Variants in BNC2 observed in about 807,000 individuals in gnomAD.
BNC2 encodes basonuclin zinc finger protein 2.
In BNC2, 20 loss-of-function variants were observed where a neutral mutation model predicts 76.3. The observed-to-expected ratio is 0.26, with a 90% confidence interval of 0.18 to 0.38. The LOEUF (loss-of-function observed/expected upper bound fraction) is 0.38, where lower values mean the gene tolerates loss of function less well. BNC2 is among the 10% of genes least tolerant of loss of function. The pLI, the probability that BNC2 is intolerant of heterozygous loss-of-function variation, is 1.00. For synonymous variants in BNC2, 582 were observed against 514.8 expected, an observed-to-expected ratio of 1.13 and a Z score of -1.77; for missense variants, 1,382 against 1,399.8, an observed-to-expected ratio of 0.99 and a Z score of 0.20.
intron 5 of BNC2, among the ~76,000 whole-genome samples, chr9:16,544,472 A>G (rs1030212174): frequency 2.0e-5 from 3 of 152,190 alleles, no homozygotes; most frequent in Non-Finnish European, 4.4e-5. Context: ...GGAAGAGTTG[A>G]TAAAATAGGG....
At chr9:16,596,629 A>C (rs1359890027) in intron 3 of BNC2, among the ~76,000 whole-genome samples, 1 of 152,170 alleles carries the variant, frequency 6.6e-6, no homozygotes, top group East Asian at 1.9e-4. Flanking sequence ...AAACAGTAAA[A>C]ACTACAATAT....
intron 5 of BNC2, among the ~76,000 whole-genome samples, chr9:16,454,876 T>G (rs1322445963): frequency 6.6e-6 from 1 of 152,202 alleles, no homozygotes; most frequent in Non-Finnish European, 1.5e-5. Context: ...TCTGAAAATA[T>G]TTTAAGACCT....
chr9:16,646,124 A>G (rs1821616332), intron 3 of BNC2, among the ~76,000 whole-genome samples: 2 of 152,206 alleles, frequency 1.3e-5, no homozygotes, highest in Admixed American at 6.5e-5. Context: ...AAGTTTTAAG[A>G]TGTTCTAAAC....
chr9:16,728,037 C>G, intron 2 of BNC2, 40 bp from the exon 3 acceptor site: 1 of 1,569,446 alleles, frequency 6.4e-7, no homozygotes, highest in Non-Finnish European at 8.7e-7. Flanking sequence ...TCTTGGCAGC[C>G]AGTAGCAGGA....
intron 5 of BNC2, among the ~76,000 whole-genome samples, chr9:16,458,545 A>T (rs752371026): frequency 6.6e-6 from 1 of 152,238 alleles, no homozygotes; most frequent in Non-Finnish European, 1.5e-5. Flanking sequence ...AATCTGCTAG[A>T]GTCATGAGAT....
chr9:16,631,821 T>C (rs563278839), intron 3 of BNC2, among the ~76,000 whole-genome samples: 2 of 152,164 alleles, frequency 1.3e-5, no homozygotes, highest in East Asian at 1.9e-4. Flanking sequence ...CCAACTCAGG[T>C]AGGGCTTTAG....
intron 1 of BNC2, among the ~76,000 whole-genome samples, chr9:16,785,101 T>C (rs1826249729): frequency 6.6e-6 from 1 of 152,230 alleles, no homozygotes; most frequent in Non-Finnish European, 1.5e-5. Context: ...GGAATGTGTT[T>C]GCACTTTGTA....
At chr9:16,592,398 C>G (rs1027143031) in intron 3 of BNC2, among the ~76,000 whole-genome samples, 2 of 151,980 alleles carry the variant, frequency 1.3e-5, no homozygotes, top group African/African-American at 4.8e-5. Context: ...CATGAATGAA[C>G]ATGAAAAACA....
At chr9:16,727,689 C>T (rs745461444) in intron 3 of BNC2, 108 bp downstream of exon 3, 31 of 969,812 alleles carry the variant, frequency 3.2e-5, no homozygotes, top group Non-Finnish European at 4.2e-5. Flanking sequence ...GAAGTGACCA[C>T]ATTTTAAAAA....
At chr9:16,869,223 A>AATAAT (rs1819616139) in intron 1 of BNC2, among the ~76,000 whole-genome samples, 1 of 151,576 alleles carries the variant, frequency 6.6e-6, no homozygotes, top group African/African-American at 2.4e-5. Flanking sequence ...AAGTATATAA[A>AATAAT]AATAAAACAG....
intron 3 of BNC2, among the ~76,000 whole-genome samples, chr9:16,638,617 T>TCAAGGTTATTATCA (rs1407065034): frequency 2.6e-5 from 4 of 152,128 alleles, no homozygotes; most frequent in African/African-American, 9.7e-5. Flanking sequence ...CCCTTACATA[T>TCAAGGTTATTATCA]AGGTTATGTT....
chr9:16,602,429 T>C (rs556795743), intron 3 of BNC2, among the ~76,000 whole-genome samples: 5 of 152,320 alleles, frequency 3.3e-5, no homozygotes, highest in Admixed American at 3.3e-4. Flanking sequence ...CAATGGGGCT[T>C]TGGAAAAATT....
chr9:16,457,350 T>C (rs1319731388), intron 5 of BNC2, among the ~76,000 whole-genome samples: 2 of 152,134 alleles, frequency 1.3e-5, no homozygotes, highest in African/African-American at 4.8e-5. Flanking sequence ...TCCAGGTCCC[T>C]AAGATCAGTC....
Position 16,436,333 on chromosome 9 carries a change from G to A in BNC2, c.1861C>T (p.His621Tyr), listed in dbSNP as rs779522917. The A allele has an allele frequency of 2.5e-6, 4 of 1,614,118 alleles. No individual in the cohort carries two copies. The South Asian group carries it at 3.3e-5, about 13-fold the overall frequency. The stretch of plus-strand genomic sequence containing the variant: ...GGTGCCAGGTCAGCACTGGGCTCAT[G>A]GGTGGCCATCATCACTGCTGGCACT... ...PVVPAVMMAT[H>Y]EPSADLAPKK... The change falls in exon 6 of 7, where the codon CAT becomes TAT. Residue 621 changes from histidine (H) to tyrosine (Y), a missense_variant. This residue lies in a region of BNC2 where 798 missense variants were observed against 775.5 expected (regional missense o/e 1.03). Transcript: ENST00000380672.
chr9:16,600,586 C>T (rs1332339422), intron 3 of BNC2, among the ~76,000 whole-genome samples: 2 of 152,116 alleles, frequency 1.3e-5, no homozygotes, highest in African/African-American at 4.8e-5. Flanking sequence ...CCTCACCTAA[C>T]CATATTCTAG....
chr9:16,568,811 G>C (rs572002440), intron 4 of BNC2, among the ~76,000 whole-genome samples: 1 of 152,132 alleles, frequency 6.6e-6, no homozygotes, highest in African/African-American at 2.4e-5. Flanking sequence ...GTGATTAAGA[G>C]AAAAATTTCT....
rs758247326 is a variant in BNC2, at chr9:16,437,513, G to C, written c.681C>G (p.Gly227=). Reference sequence around the variant, plus strand: ...TGATGGCCCAGCGGTCCAGCACCTTGCCAGCAGCATCCTAGAGGCCACATC... The same window carrying C: ...TGATGGCCCAGCGGTCCAGCACCTTCCCAGCAGCATCCTAGAGGCCACATC... ...VRGYILQDAA[G]KVLDRWAIMS... is the part of the protein sequence containing the mutation. The change falls in exon 6 of 7, where the codon GGC becomes GGG. Residue 227 remains glycine, a synonymous_variant. Coordinates refer to ENST00000380672, the MANE Select transcript of BNC2 (RefSeq NM_017637.6). The C allele has an allele frequency of 1.2e-6, 2 of 1,612,520 alleles. No homozygotes were observed. Among genetic ancestry groups the C allele is most frequent in the Non-Finnish European group, 1.7e-6 (2 of 1,179,976 alleles).
At chr9:16,795,253 C>G (rs1336217392) in intron 1 of BNC2, among the ~76,000 whole-genome samples, 1 of 152,002 alleles carries the variant, frequency 6.6e-6, no homozygotes, top group African/African-American at 2.4e-5. Flanking sequence ...TAGGAAGGTT[C>G]AACACAAGAT....
At chr9:16,489,749 G>C (rs1822235955) in intron 5 of BNC2, among the ~76,000 whole-genome samples, 1 of 152,164 alleles carries the variant, frequency 6.6e-6, no homozygotes, top group Admixed American at 6.5e-5. Flanking sequence ...TGAGTGATTT[G>C]AGTGTTACAT....
Sources: gnomAD v4.1 joint callset for allele counts (sites outside exome capture counted in the v4.1 genomes callset) on GRCh38, gnomAD v4.1.1 for gene constraint, gnomAD v4.1.1 regional missense constraint, MANE v1.5 for transcripts, NCBI Gene and HGNC (gene_info 2026-07-23, HGNC 2026-07-21) for gene names.